KHDRBS3: variants seen among roughly 807,000 people sequenced by gnomAD.
KHDRBS3 encodes the protein KH domain-containing, RNA-binding, signal transduction-associated protein 3.
Under a neutral mutation model 45.6 loss-of-function variants are expected in KHDRBS3, and 23 were observed. That is an observed-to-expected ratio of 0.50 (90% CI 0.36 to 0.72). The LOEUF is 0.72. Among genes scored for constraint, KHDRBS3 ranks in the 30% least tolerant of loss-of-function variants. The pLI is 0.00. For synonymous variants in KHDRBS3, 162 were observed against 156.5 expected (o/e 1.04, Z -0.26); for missense variants, 352 against 424.8 (o/e 0.83, Z 1.51).
chr8:135,594,649 C>T (rs1255500982), intron 6 of KHDRBS3, among the ~76,000 whole-genome samples: 1 of 152,230 alleles, frequency 6.6e-6, no homozygotes, highest in African/African-American at 2.4e-5. Context: ...AGAGCATACT[C>T]TTGCTGTATA....
chr8:135,566,146 T>C (rs1827402766), intron 5 of KHDRBS3, among the ~76,000 whole-genome samples: 1 of 152,208 alleles, frequency 6.6e-6, no homozygotes, highest in Non-Finnish European at 1.5e-5. Context: ...TGTAGAGTTA[T>C]ACATCTTCAA....
At chr8:135,499,625 C>T (rs1199401962) in intron 1 of KHDRBS3, among the ~76,000 whole-genome samples, 2 of 152,192 alleles carry the variant, frequency 1.3e-5, no homozygotes, top group African/African-American at 4.8e-5. Context: ...TTGTATGACA[C>T]ATTATCTACA....
intron 2 of KHDRBS3, among the ~76,000 whole-genome samples, chr8:135,533,394 G>A (rs902565993): frequency 2.0e-5 from 3 of 152,074 alleles, no homozygotes; most frequent in Admixed American, 6.6e-5. Context: ...ATTTCTCTAC[G>A]TATGGTAGTG....
chr8:135,576,927 A>G (rs1032803213), intron 5 of KHDRBS3, among the ~76,000 whole-genome samples: 7 of 152,274 alleles, frequency 4.6e-5, no homozygotes, highest in African/African-American at 1.7e-4. Context: ...CACATTGACC[A>G]TTATAGCCTC....
chr8:135,518,083 G>A (rs2317276), intron 1 of KHDRBS3, among the ~76,000 whole-genome samples: 121,932 of 152,214 alleles, frequency 0.8, 49,368 homozygotes, highest in East Asian at 0.96. Context: ...TGACACAAGG[G>A]AAAACGTGTG....
intron 1 of KHDRBS3, among the ~76,000 whole-genome samples, chr8:135,483,346 G>A (rs1822681397): frequency 6.6e-6 from 1 of 152,154 alleles, no homozygotes; most frequent in African/African-American, 2.4e-5. Flanking sequence ...AAAGCATGAT[G>A]GATTGTGGCA....
At chr8:135,568,992 T>A (rs1827563725) in intron 5 of KHDRBS3, among the ~76,000 whole-genome samples, 1 of 152,214 alleles carries the variant, frequency 6.6e-6, no homozygotes, top group Non-Finnish European at 1.5e-5. Context: ...TTTTTTAAAT[T>A]TTGTGTTTTT....
At chr8:135,594,565 A>G (rs1414425026) in intron 6 of KHDRBS3, among the ~76,000 whole-genome samples, 3 of 152,252 alleles carry the variant, frequency 2.0e-5, no homozygotes, top group African/African-American at 7.2e-5. Context: ...TACCTGACAC[A>G]TTAAAGGTGA....
chr8:135,531,466 T>A (rs1825475170), intron 2 of KHDRBS3, among the ~76,000 whole-genome samples: 1 of 152,022 alleles, frequency 6.6e-6, no homozygotes, highest in African/African-American at 2.4e-5. Context: ...GCTATTCAAT[T>A]TGGAGAAAAA....
intron 5 of KHDRBS3, among the ~76,000 whole-genome samples, chr8:135,562,803 T>C (rs1827231775): frequency 1.3e-5 from 2 of 152,192 alleles, no homozygotes; most frequent in Admixed American, 1.3e-4. Flanking sequence ...AGTGTCTAAA[T>C]GTCCAAAACC....
chr8:135,518,414 T>C (rs527284732), intron 1 of KHDRBS3, among the ~76,000 whole-genome samples: 1 of 152,234 alleles, frequency 6.6e-6, no homozygotes, highest in Non-Finnish European at 1.5e-5. Flanking sequence ...GACCTCGTGA[T>C]CCACCCGCCT....
rs114631351 is a variant in KHDRBS3 at position 135,504,850 on chromosome 8, A to G, written c.89-16387A>G. On this transcript the variant is annotated intron_variant, in intron 1 of 8. Coordinates refer to ENST00000355849, the MANE Select transcript of KHDRBS3 (RefSeq NM_006558.3). ...AGAGAACATCTATGCTAATGTCATT[A>G]CATAGATGCCATTTTCTCAAACTTT... Among the ~76,000 whole-genome samples the G allele has an allele frequency of 9.3e-3, 1,413 of 152,334 alleles. 18 individuals carry two copies. The highest frequency in any genetic ancestry group is 0.03 in the African/African-American group (1,231 of 41,580).
chr8:135,558,387 A>G (rs903150461), intron 5 of KHDRBS3, among the ~76,000 whole-genome samples: 21 of 152,314 alleles, frequency 1.4e-4, no homozygotes, highest in African/African-American at 4.6e-4. Context: ...CAAATTTTTC[A>G]ATTAAACTAA....
rs76767653 is a variant in KHDRBS3, at chr8:135,599,220, C to G, written c.808-7735C>G. On this transcript the variant is annotated intron_variant, in intron 6 of 8. Transcript: ENST00000355849. ...CCGCCAAGCAGACAGCTCACCCCTG[C>G]CAGCTCGGTGCTGTTTCGAAGCTAA... Among the ~76,000 whole-genome samples the G allele has an allele frequency of 4.1e-3, 627 of 152,348 alleles. 3 individuals carry two copies. Among genetic ancestry groups the G allele is most frequent in the African/African-American group, 0.013 (548 of 41,576 alleles).
At chr8:135,491,963 A>G (rs1823176977) in intron 1 of KHDRBS3, among the ~76,000 whole-genome samples, 1 of 151,692 alleles carries the variant, frequency 6.6e-6, no homozygotes. Flanking sequence ...AATTTTACTT[A>G]AGAATGTTCC....
At chr8:135,625,547 A>C (rs931079664) in intron 7 of KHDRBS3, 18 of 911,536 alleles carry the variant, frequency 2.0e-5, no homozygotes, top group Non-Finnish European at 3.1e-5. Flanking sequence ...GGGTGTATTC[A>C]GAGCTGGAGC....
At chr8:135,597,550 T>G (rs1829026597) in intron 6 of KHDRBS3, among the ~76,000 whole-genome samples, 1 of 152,114 alleles carries the variant, frequency 6.6e-6, no homozygotes, top group Non-Finnish European at 1.5e-5. Flanking sequence ...GTCTAAAATC[T>G]CAAACCTCCC....
chr8:135,638,017 G>A (rs1830890266), intron 7 of KHDRBS3, among the ~76,000 whole-genome samples: 1 of 151,924 alleles, frequency 6.6e-6, no homozygotes, highest in African/African-American at 2.4e-5. Flanking sequence ...CTGAGAAAGA[G>A]GAAGTAGATG....
chr8:135,624,581 G>T (rs950133438), intron 7 of KHDRBS3, among the ~76,000 whole-genome samples: 2 of 152,152 alleles, frequency 1.3e-5, no homozygotes, highest in Non-Finnish European at 2.9e-5. Flanking sequence ...GGATGCAGTT[G>T]GCCAATGACA....
Sources: gnomAD v4.1 joint callset for allele counts (sites outside exome capture counted in the v4.1 genomes callset) on GRCh38, gnomAD v4.1.1 for gene constraint, MANE v1.5 for transcripts, NCBI Gene and HGNC (gene_info 2026-07-23, HGNC 2026-07-21) for gene names.